EP400: variants seen among roughly 807,000 people sequenced by gnomAD.
EP400 encodes E1A-binding protein p400.
A neutral mutation model predicts 354.1 loss-of-function variants in EP400; 105 were observed. The ratio of observed to expected loss-of-function variants is 0.30; its 90% CI spans 0.25 to 0.35. The LOEUF is 0.35. Ranked by LOEUF, EP400 falls within the 10% of genes least tolerant of loss-of-function variation. EP400 has a pLI of 1.00. For missense variants in EP400, 3,280 were observed against 4,121.0 expected, an observed-to-expected ratio of 0.80 and a Z score of 5.59; for synonymous variants, 1,646 against 1,716.9, an observed-to-expected ratio of 0.96 and a Z score of 1.02.
chr12:132,061,823 G>A (rs952364093), intron 45 of EP400, among the ~76,000 whole-genome samples: 1 of 152,240 alleles, frequency 6.6e-6, no homozygotes, highest in Non-Finnish European at 1.5e-5. Context: ...AGAGGTCTTT[G>A]TGCGGAGAGG....
At chr12:132,028,364 G>T (rs1172223998) in intron 27 of EP400, 76 bp downstream of exon 27, 8 of 1,554,010 alleles carry the variant, frequency 5.1e-6, no homozygotes, top group Non-Finnish European at 6.2e-6. Flanking sequence ...TTGTCTCGTG[G>T]ATGTACATCT....
rs1477437614 is a variant in EP400 at position 132,013,438 on chromosome 12, A to T, written c.3612-52A>T. The T allele has an allele frequency of 2.0e-6, 3 of 1,516,346 alleles. No individual in the cohort carries two copies. The African/African-American group carries it at 4.2e-5, about 21-fold the overall frequency. The allele number at this position is 1,516,346 out of a possible 1,614,324, so 93.9% of individuals were successfully genotyped here. On this transcript the variant is annotated intron_variant, in intron 17 of 52. Coordinates refer to ENST00000389561, the MANE Select transcript of EP400 (RefSeq NM_015409.5). The surrounding 1 kb of genome is among the most constrained non-coding windows in gnomAD (Gnocchi z 4.5). ...ACATTGTCAGAGAAGATGCTGCTGC[A>T]GCCAGCCCCGTGGCTGTAGAACTCC...
chr12:132,047,371 C>G (rs1343942194), intron 39 of EP400, among the ~76,000 whole-genome samples: 1 of 152,084 alleles, frequency 6.6e-6, no homozygotes, highest in African/African-American at 2.4e-5. Flanking sequence ...AACCTGCCCC[C>G]GATAGTCACG....
In EP400 at chr12:132,044,926, C is replaced by T. The variant is rs760137438; in HGVS notation, c.6757C>T (p.Arg2253Trp). The T allele has an allele frequency of 7.4e-6, 12 of 1,614,162 alleles. No individual in the cohort carries two copies. The highest frequency in any genetic ancestry group is 1.6e-4 in the Middle Eastern group (1 of 6,062). ...KLPPVYVRKE[R>W]KRHKTDPSAA... ...GCCCCCTGTGTACGTGAGGAAGGAG[C>T]GGAAGCGACACAAAACAGACCCCTC... The change falls in exon 37 of 53, where the codon CGG becomes TGG. Residue 2253 changes from arginine to tryptophan, a missense_variant. Around this residue, in one of 20 missense-constraint regions of EP400, gnomAD observed 231 missense variants for 257.9 expected, o/e 0.90. Coordinates refer to ENST00000389561, the MANE Select transcript of EP400 (RefSeq NM_015409.5).
intron 48 of EP400, chr12:132,065,945 T>A (rs563894798): frequency 1.3e-5 from 2 of 152,244 alleles, no homozygotes; most frequent in African/African-American, 2.4e-5. Context: ...CACCCCCTTA[T>A]GTCCTGCAGA....
chr12:132,024,322 G>A (rs1255354307), intron 24 of EP400, among the ~76,000 whole-genome samples: 3 of 152,184 alleles, frequency 2.0e-5, no homozygotes, highest in Non-Finnish European at 4.4e-5. Flanking sequence ...GCAGTGAGCC[G>A]AGATCGTGTC....
chr12:132,046,118 G>A lies in EP400; in HGVS notation c.7200+218G>A, dbSNP rs180955146. Reference sequence around the variant, plus strand: ...CATGAGCAGTGATGGAGGAGTTCACGTTGTGCTTGTTGGGATCATGCTTGG... The same window carrying A: ...CATGAGCAGTGATGGAGGAGTTCACATTGTGCTTGTTGGGATCATGCTTGG... On this transcript the variant is annotated intron_variant, in intron 39 of 52. Transcript: ENST00000389561. Among the ~76,000 whole-genome samples the A allele has an allele frequency of 1.5e-4, 23 of 152,356 alleles. 1 individual carries two copies. The highest frequency in any genetic ancestry group is 1.0e-3 in the South Asian group (5 of 4,832).
In EP400 at chr12:131,981,982, G is replaced by A. The variant is rs1019153141; in HGVS notation, c.1544-111G>A. On this transcript the variant is annotated intron_variant, in intron 4 of 52. Transcript: ENST00000389561. ...GTTGTGGCCAACTTCTCGTGTGAGT[G>A]TGGTGGGTCTTGGACAAGCACTGGG... is the stretch of plus-strand genomic sequence containing the variant. The A allele has an allele frequency of 3.7e-6, 5 of 1,361,010 alleles. No homozygotes were observed. In the African/African-American group the frequency reaches 4.4e-5, roughly 12 times the overall value. The allele number at this position is 1,361,010 out of a possible 1,614,324, so 84.3% of individuals were successfully genotyped here.
intron 4 of EP400, among the ~76,000 whole-genome samples, chr12:131,981,815 A>C (rs1892690874): frequency 6.6e-6 from 1 of 152,220 alleles, no homozygotes; most frequent in Non-Finnish European, 1.5e-5. Flanking sequence ...TCGCATTGTC[A>C]TAGTGTCTTT....
chr12:132,013,263 A>G lies in EP400; in HGVS notation c.3611+85A>G, dbSNP rs990925676. 3.4e-6 allele frequency: 5 copies of G among 1,484,538 alleles called. No individual in the cohort carries two copies. Among genetic ancestry groups the G allele is most frequent in the East Asian group, 4.7e-5 (2 of 42,214 alleles). The allele number at this position is 1,484,538 out of a possible 1,614,324, so 92.0% of individuals were successfully genotyped here. A position where few individuals can be genotyped will look rare whatever the true frequency, so the allele number is the denominator to read the frequency against. On this transcript the variant is annotated intron_variant, in intron 17 of 52. Transcript: ENST00000389561. This position sits in a 1 kb window ranked among gnomAD's most constrained non-coding sequence, Gnocchi z 4.5. ...TGAAGAAATCTGCATAATTGCAGAC[A>G]CAAACAATGGCCTTTGAGCTAGAGA...
Position 132,037,682 on chromosome 12 carries a change from G to A in EP400, c.5952G>A (p.Arg1984=), listed in dbSNP as rs1894763359. ...IGRCKDIHIY[R]LVSGNSIEEK... is the part of the protein sequence containing the mutation. Reference sequence around the variant, plus strand: ...AGCATCTTACATCTTTTGTTTGCAGGCTTGTGAGTGGCAATTCCATTGAAG... The same window carrying A: ...AGCATCTTACATCTTTTGTTTGCAGACTTGTGAGTGGCAATTCCATTGAAG... The change falls in exon 31 of 53, where the codon AGG becomes AGA. Residue 1984 remains arginine (R), a splice_region_variant and synonymous_variant. Coordinates refer to ENST00000389561, the MANE Select transcript of EP400 (RefSeq NM_015409.5). 1.2e-6 allele frequency: 2 copies of A among 1,613,876 alleles called. No individual in the cohort carries two copies. The highest frequency in any genetic ancestry group is 1.3e-5 in the African/African-American group (1 of 75,040).
rs935429800 is a variant in EP400 at position 132,006,789 on chromosome 12, G to T, written c.3216G>T (p.Lys1072Asn). 6.2e-7 allele frequency: 1 copy of T among 1,614,176 alleles called. No individual in the cohort carries two copies. Among genetic ancestry groups the T allele is most frequent in the Non-Finnish European group, 8.5e-7 (1 of 1,180,022 alleles). ...GLDWLAKLYR[K>N]NLNGILADEA... is the part of the protein sequence containing the mutation. ...ACTGGCTGGCCAAACTTTACAGGAA[G>T]AATCTCAATGGCATATTGGCAGATG... Residue 1072 changes from lysine to asparagine, a missense_variant, in exon 15 of 53, where the codon AAG (lysine) becomes AAT (asparagine). Lys to Asn is a moderately conservative substitution (Grantham distance 94). This residue lies in a region of EP400 where 242 missense variants were observed against 357.9 expected (regional missense o/e 0.68). Transcript: ENST00000389561.
rs1809423315 is a variant in EP400, at chr12:132,013,721, A to G, written c.3787-56A>G. 2 of 1,610,014 alleles carry G rather than the reference A, an allele frequency of 1.2e-6. No homozygotes were observed. The highest frequency in any genetic ancestry group is 3.4e-5 in the Admixed American group (2 of 59,466). ...ATTAAACATGCGTATGCCTTGTTAT[A>G]AACGTGTTACAGCAGCATTTTTGGA... On this transcript the variant is annotated intron_variant, in intron 18 of 52. Transcript: ENST00000389561. This position sits in a 1 kb window ranked among gnomAD's most constrained non-coding sequence, Gnocchi z 4.5.
intron 2 of EP400, among the ~76,000 whole-genome samples, chr12:131,975,097 C>T (rs1161504604): frequency 1.3e-5 from 2 of 151,886 alleles, no homozygotes; most frequent in Non-Finnish European, 2.9e-5. Flanking sequence ...CTGAGTGTGC[C>T]GTGCCTGGAG....
rs749522835 is a variant in EP400, at chr12:132,066,989, C to T, written c.8749+20C>T. On this transcript the variant is annotated intron_variant, in intron 49 of 52. Coordinates refer to ENST00000389561, the MANE Select transcript of EP400 (RefSeq NM_015409.5). ...CAGCAGGTGCCCGCCCCAGCACACC[C>T]TCCCGTCCTGGGCTTGAGCCTGGTT... 6.4e-7 allele frequency: 1 copy of T among 1,563,130 alleles called. No homozygotes were observed. Among genetic ancestry groups the T allele is most frequent in the Middle Eastern group, 2.2e-4 (1 of 4,520 alleles).
chr12:132,053,291 T>C (rs1593376453), intron 42 of EP400, 52 bp from the exon 43 acceptor site: 1 of 1,606,816 alleles, frequency 6.2e-7, no homozygotes, highest in East Asian at 2.2e-5. Context: ...CCAGGGGGTA[T>C]GCAGGCCGAG....
At chr12:132,037,365 G>C (rs1335920777) in intron 30 of EP400, among the ~76,000 whole-genome samples, 1 of 152,246 alleles carries the variant, frequency 6.6e-6, no homozygotes, top group African/African-American at 2.4e-5. Context: ...AGATGCTGGA[G>C]GTACATCTGG....
chr12:132,040,989 G>T (rs1894883609), intron 32 of EP400, among the ~76,000 whole-genome samples: 1 of 152,178 alleles, frequency 6.6e-6, no homozygotes, highest in Admixed American at 6.5e-5. Context: ...GACAACTGGG[G>T]GACATGTGGG....
chr12:132,040,008 C>T (rs1015767125), intron 32 of EP400, among the ~76,000 whole-genome samples: 30 of 152,288 alleles, frequency 2.0e-4, no homozygotes, highest in African/African-American at 6.0e-4. Context: ...CCACTGCACT[C>T]CAACCTGGGT....
Sources: allele counts gnomAD v4.1 joint callset (sites outside exome capture counted in the v4.1 genomes callset), GRCh38; gene constraint gnomAD v4.1.1; regional missense constraint gnomAD v4.1.1; non-coding constraint Gnocchi (gnomAD v3.1); transcripts MANE v1.5; gene names NCBI Gene and HGNC (gene_info 2026-07-23, HGNC 2026-07-21).